The following ATG4B variants were observed in gnomAD, a reference collection of about 807,000 sequenced individuals.
ATG4B encodes the protein cysteine protease ATG4B.
In ATG4B, 29 loss-of-function variants were observed where a neutral mutation model predicts 56.6. That is an observed-to-expected ratio of 0.51 (90% CI 0.38 to 0.70). The LOEUF (loss-of-function observed/expected upper bound fraction) is 0.70. Among genes scored for constraint, ATG4B ranks in the 30% least tolerant of loss-of-function variants. ATG4B has a pLI of 0.00. For missense variants in ATG4B, 461 were observed against 515.5 expected (o/e 0.89, Z 1.02); for synonymous variants, 224 against 206.1 (o/e 1.09, Z -0.74).
chr2:241,666,915 C>T (rs745993603), intron 8 of ATG4B, 77 bp downstream of exon 8: 18 of 1,466,634 alleles, frequency 1.2e-5, no homozygotes, highest in Admixed American at 2.0e-5. Flanking sequence ...AGCGCATCGT[C>T]GTCACGTGGC....
intron 8 of ATG4B, among the ~76,000 whole-genome samples, chr2:241,667,262 A>G (rs1415231846): frequency 6.6e-6 from 1 of 151,946 alleles, no homozygotes; most frequent in East Asian, 1.9e-4. Flanking sequence ...GGGCCTGGGG[A>G]TGGGCAGGGC....
Position 241,672,991 on chromosome 2 carries a change from C to A in ATG4B, c.*727C>A, listed in dbSNP as rs2069032649. ...CTGCTGGAGCCTGCCCTCAGAGTGT[C>A]CCTTTCCAGTGCTGTGGCATTCTGT... is the stretch of plus-strand genomic sequence containing the variant. On this transcript the variant is annotated 3_prime_UTR_variant, in exon 13 of 13. Transcript: ENST00000404914. 6.0e-6 allele frequency: 1 copy of A among 167,746 alleles called. No individual in the cohort carries two copies. The highest frequency in any genetic ancestry group is 2.4e-5 in the African/African-American group (1 of 41,990). The allele number at this position is 167,746 out of a possible 1,614,324, so 10.4% of individuals were successfully genotyped here.
chr2:241,645,951 G>A (rs568541030), intron 1 of ATG4B, among the ~76,000 whole-genome samples: 79 of 152,256 alleles, frequency 5.2e-4, no homozygotes, highest in Admixed American at 1.2e-3. Flanking sequence ...CACGTTCGCC[G>A]TGGCTGCGCC....
chr2:241,652,760 A>G (rs1457149929), intron 3 of ATG4B, among the ~76,000 whole-genome samples: 1 of 152,076 alleles, frequency 6.6e-6, no homozygotes, highest in African/African-American at 2.4e-5. Flanking sequence ...GGCCACCACT[A>G]CCCCAAGACA....
intron 6 of ATG4B, among the ~76,000 whole-genome samples, chr2:241,655,779 C>T (rs139600493): frequency 1.1e-3 from 171 of 152,340 alleles, no homozygotes; most frequent in African/African-American, 3.7e-3. Context: ...TACACCTCAG[C>T]GTCTGAAAGT....
chr2:241,643,744 A>C (rs1177295176), intron 1 of ATG4B, among the ~76,000 whole-genome samples: 2 of 135,168 alleles, frequency 1.5e-5, no homozygotes, highest in African/African-American at 2.9e-5. Flanking sequence ...ATCTCGGCTC[A>C]CTGCAACGGG....
At position 241,666,769 on chromosome 2, in the gene ATG4B, C is replaced by G. The variant is rs1424424150; in HGVS notation, c.663C>G (p.Pro221=). The change falls in exon 8 of 13, where the codon CCC becomes CCG. Residue 221 remains proline, a synonymous_variant. Transcript: ENST00000404914. ...CCAACAGGCCGTCGCCATGGAGACC[C>G]CTGGTACTTCTCATTCCCCTGCGCC... is the stretch of plus-strand genomic sequence containing the variant. ...EVTNRPSPWR[P]LVLLIPLRLG... 6.3e-7 allele frequency: 1 copy of G among 1,597,442 alleles called. No homozygotes were observed. The highest frequency in any genetic ancestry group is 1.7e-5 in the Admixed American group (1 of 57,232).
intron 7 of ATG4B, 171 bp downstream of exon 7, chr2:241,659,358 C>T (rs969192949): frequency 7.2e-6 from 5 of 693,226 alleles, no homozygotes; most frequent in Non-Finnish European, 1.3e-5. Flanking sequence ...GCCTCGCTCT[C>T]CTATCCCGGC....
chr2:241,663,283 TTAAC>T (rs943778271), intron 7 of ATG4B, among the ~76,000 whole-genome samples: 4 of 151,894 alleles, frequency 2.6e-5, no homozygotes, highest in African/African-American at 9.7e-5. Flanking sequence ...AACAGAATAA[TTAAC>T]AGATTAGCTA....
In ATG4B at chr2:241,673,673, C is replaced by T. The variant is rs1187941497; in HGVS notation, c.*1409C>T. ...GGTGCGATCTCCATTCCTTGGGCTCCACGTCCGAGTTCATGGTGCGCCGCT... is the reference window on the plus strand; with the variant it reads ...GGTGCGATCTCCATTCCTTGGGCTCTACGTCCGAGTTCATGGTGCGCCGCT... On this transcript the variant is annotated 3_prime_UTR_variant, in exon 13 of 13. Transcript: ENST00000404914. 8.8e-6 allele frequency: 4 copies of T among 456,146 alleles called. No homozygotes were observed. The highest frequency in any genetic ancestry group is 1.5e-5 in the South Asian group (1 of 64,540). The allele number at this position is 456,146 out of a possible 1,614,324, so 28.3% of individuals were successfully genotyped here. A position where few individuals can be genotyped will look rare whatever the true frequency, so the allele number is the denominator to read the frequency against.
intron 1 of ATG4B, among the ~76,000 whole-genome samples, chr2:241,640,024 C>T (rs1234255067): frequency 6.6e-6 from 1 of 152,150 alleles, no homozygotes; most frequent in Non-Finnish European, 1.5e-5. Context: ...TGCCTCCTGC[C>T]TCTATCATTT....
chr2:241,640,074 T>A (rs1179621501), intron 1 of ATG4B, among the ~76,000 whole-genome samples: 1 of 152,202 alleles, frequency 6.6e-6, no homozygotes, highest in African/African-American at 2.4e-5. Flanking sequence ...GAGACTTGGC[T>A]AAGGTCAAAA....
intron 1 of ATG4B, among the ~76,000 whole-genome samples, chr2:241,642,871 C>CTT (rs1321613822): frequency 0.08 from 7,903 of 98,274 alleles, 2,009 homozygotes; most frequent in Middle Eastern, 0.18. Flanking sequence ...ACCTCTCCGT[C>CTT]CTTTTTTTTT....
chr2:241,671,517 G>A (rs749590562), intron 12 of ATG4B, 112 bp downstream of exon 12: 21 of 1,548,090 alleles, frequency 1.4e-5, no homozygotes, highest in South Asian at 2.4e-5. Context: ...AGCCTGAGCC[G>A]TGAGCACTTG....
chr2:241,652,820 A>G (rs916406315), intron 3 of ATG4B, among the ~76,000 whole-genome samples: 38 of 152,326 alleles, frequency 2.5e-4, no homozygotes, highest in African/African-American at 8.9e-4. Context: ...GGAAGCCCAG[A>G]GGTGGGCACA....
At position 241,668,209 on chromosome 2, in the gene ATG4B, A is replaced by G. The variant is rs551716029; in HGVS notation, c.799A>G (p.Ile267Val). The G allele has an allele frequency of 1.9e-6, 3 of 1,604,502 alleles. No individual in the cohort carries two copies. Among genetic ancestry groups the G allele is most frequent in the East Asian group, 2.3e-5 (1 of 44,316 alleles). The change falls in exon 9 of 13, where the codon ATC becomes GTC. Residue 267 changes from isoleucine (I) to valine (V), a missense_variant. Coordinates refer to ENST00000404914, the MANE Select transcript of ATG4B (RefSeq NM_013325.5). This position sits in a 1 kb window ranked among gnomAD's most constrained non-coding sequence, Gnocchi z 4.2. ...GAAGCCCAACAGCGCCCACTACTTCATCGGCTACGTTGGTGAGTCCAGGGT... is the reference window on the plus strand; with the variant it reads ...GAAGCCCAACAGCGCCCACTACTTCGTCGGCTACGTTGGTGAGTCCAGGGT... ...GGKPNSAHYF[I>V]GYVGEELIYL...
At chr2:241,645,638 G>A (rs912020762) in intron 1 of ATG4B, among the ~76,000 whole-genome samples, 1 of 152,178 alleles carries the variant, frequency 6.6e-6, no homozygotes, top group South Asian at 2.1e-4. Context: ...TGACTGCTCA[G>A]TGGTGGGCTC....
At chr2:241,641,675 A>G (rs1049255389) in intron 1 of ATG4B, among the ~76,000 whole-genome samples, 2 of 152,128 alleles carry the variant, frequency 1.3e-5, no homozygotes, top group African/African-American at 2.4e-5. Context: ...ACATCCTTGT[A>G]GAGCAGTGTC....
chr2:241,653,360 G>C, intron 3 of ATG4B, 152 bp from the exon 4 acceptor site: 2 of 1,550,306 alleles, frequency 1.3e-6, no homozygotes, highest in Non-Finnish European at 1.7e-6. Context: ...GCGTTACTGA[G>C]TCCTAAGAGG....
Sources: allele counts gnomAD v4.1 joint callset (sites outside exome capture counted in the v4.1 genomes callset), GRCh38; gene constraint gnomAD v4.1.1; non-coding constraint Gnocchi (gnomAD v3.1); transcripts MANE v1.5; gene names NCBI Gene and HGNC (gene_info 2026-07-23, HGNC 2026-07-21).